Variants in LDAH observed in about 807,000 individuals in gnomAD.
LDAH encodes the protein lipid droplet associated hydrolase.
A neutral mutation model predicts 29.6 loss-of-function variants in LDAH; 26 were observed. The ratio of observed to expected loss-of-function variants is 0.88; its 90% CI spans 0.64 to 1.22. LDAH has a LOEUF of 1.22. Among genes scored for constraint, LDAH ranks in the 50% most tolerant of loss-of-function variants. The probability of loss-of-function intolerance (pLI) is 0.00; values close to 1 mark genes in which losing one functional copy is unlikely to be tolerated. For synonymous variants in LDAH, 117 were observed against 133.0 expected (o/e 0.88, Z 0.83); for missense variants, 344 against 387.3 (o/e 0.89, Z 0.94).
Position 20,701,665 on chromosome 2 carries a change from A to T in LDAH, c.704-13T>A, listed in dbSNP as rs934018124. On this transcript the variant is annotated splice_polypyrimidine_tract_variant and intron_variant, in intron 5 of 6. Coordinates refer to ENST00000237822, the MANE Select transcript of LDAH (RefSeq NM_021925.4). ...TAGGCAGCATTAGCTACATTTAAAA[A>T]ATAAAAAGTCAAACATTTAGAATAT... is the stretch of plus-strand genomic sequence containing the variant. 6 of 1,605,962 alleles carry T rather than the reference A, an allele frequency of 3.7e-6. No individual in the cohort carries two copies. Among genetic ancestry groups the T allele is most frequent in the Non-Finnish European group, 5.1e-6 (6 of 1,173,200 alleles).
intron 1 of LDAH, among the ~76,000 whole-genome samples, chr2:20,801,930 ATGTGTG>A (rs35921690): frequency 1.6e-4 from 22 of 140,220 alleles, no homozygotes; most frequent in African/African-American, 4.2e-4. Flanking sequence ...CCCAAATTCT[ATGTGTG>A]TGTGTGTGTG....
intron 4 of LDAH, among the ~76,000 whole-genome samples, chr2:20,749,629 C>T (rs1667817214): frequency 6.6e-6 from 1 of 152,140 alleles, no homozygotes; most frequent in Admixed American, 6.5e-5. Flanking sequence ...AACTGGAAGG[C>T]AAAGAGTACA....
intron 1 of LDAH, among the ~76,000 whole-genome samples, chr2:20,819,868 T>C (rs1408844466): frequency 6.6e-6 from 1 of 152,150 alleles, no homozygotes; most frequent in Admixed American, 6.5e-5. Flanking sequence ...GAAAACCCCA[T>C]CGTCTCAGCC....
Position 20,685,170 on chromosome 2 carries a change from A to G in LDAH, c.*1733T>C. On this transcript the variant is annotated 3_prime_UTR_variant, in exon 7 of 7. Coordinates refer to ENST00000237822, the MANE Select transcript of LDAH (RefSeq NM_021925.4). Reference sequence around the variant, plus strand: ...AACCAGAAATAAGACACAATTTCATACGTGCAGACTTTTGAAATATGGAGT... The same window carrying G: ...AACCAGAAATAAGACACAATTTCATGCGTGCAGACTTTTGAAATATGGAGT... 2.0e-6 allele frequency: 1 copy of G among 512,110 alleles called. No individual in the cohort carries two copies. Among genetic ancestry groups the G allele is most frequent in the Non-Finnish European group, 3.3e-6 (1 of 299,816 alleles). The allele number at this position is 512,110 out of a possible 1,614,324, so 31.7% of individuals were successfully genotyped here.
chr2:20,822,738 C>A (rs1673420372), intron 1 of LDAH, among the ~76,000 whole-genome samples: 1 of 152,170 alleles, frequency 6.6e-6, no homozygotes, highest in South Asian at 2.1e-4. Context: ...GGCCTCTACT[C>A]CTCCGCGGGG....
chr2:20,774,671 G>A lies in LDAH; in HGVS notation c.468+139C>T. On this transcript the variant is annotated intron_variant, in intron 4 of 6. Transcript: ENST00000237822. ...AAGCCCATCGTAATATGGAGATAAG[G>A]ATAAAGGCAGAAAGCAAATATCCCT... 3.7e-6 allele frequency: 3 copies of A among 812,566 alleles called. No individual in the cohort carries two copies. In the South Asian group the frequency reaches 4.9e-5, roughly 13 times the overall value. 50.3% of individuals were successfully genotyped at this position (812,566 alleles called of 1,614,324 possible).
chr2:20,820,480 T>C (rs1673185704), intron 1 of LDAH, among the ~76,000 whole-genome samples: 1 of 152,230 alleles, frequency 6.6e-6, no homozygotes, highest in Non-Finnish European at 1.5e-5. Context: ...AACTATCTGA[T>C]CTTTGACAAA....
At chr2:20,749,812 G>A (rs746297144) in intron 4 of LDAH, among the ~76,000 whole-genome samples, 3 of 152,076 alleles carry the variant, frequency 2.0e-5, no homozygotes, top group African/African-American at 4.8e-5. Flanking sequence ...TAACAGAACA[G>A]GTTAGGATCT....
intron 5 of LDAH, among the ~76,000 whole-genome samples, chr2:20,717,574 A>G (rs1665312870): frequency 6.6e-6 from 1 of 152,228 alleles, no homozygotes; most frequent in Non-Finnish European, 1.5e-5. Flanking sequence ...AGACAAACTG[A>G]CTACCACAAG....
intron 4 of LDAH, among the ~76,000 whole-genome samples, chr2:20,743,788 G>A (rs767785874): frequency 2.1e-4 from 32 of 151,192 alleles, no homozygotes; most frequent in Non-Finnish European, 4.0e-4. Flanking sequence ...ATTATTGTTT[G>A]AAATATTTCT....
intron 4 of LDAH, among the ~76,000 whole-genome samples, chr2:20,754,384 G>A (rs939681520): frequency 4.0e-5 from 6 of 151,364 alleles, no homozygotes; most frequent in Admixed American, 3.9e-4. Flanking sequence ...CCAGCTACTC[G>A]GGAGGCTGAG....
chr2:20,702,535 A>T (rs1664019682), intron 5 of LDAH, among the ~76,000 whole-genome samples: 1 of 152,166 alleles, frequency 6.6e-6, no homozygotes, highest in Non-Finnish European at 1.5e-5. Flanking sequence ...TGCTTTATAT[A>T]CCCTACGCTT....
intron 5 of LDAH, among the ~76,000 whole-genome samples, chr2:20,722,749 A>C (rs1665749992): frequency 6.6e-6 from 1 of 152,228 alleles, no homozygotes; most frequent in Admixed American, 6.5e-5. Context: ...AACAATCTCA[A>C]AATATTTTTT....
intron 1 of LDAH, among the ~76,000 whole-genome samples, chr2:20,806,398 T>C (rs1250768883): frequency 6.6e-6 from 1 of 152,178 alleles, no homozygotes; most frequent in African/African-American, 2.4e-5. Context: ...TCATTAGTGC[T>C]ATTCCTAGGC....
chr2:20,744,223 ATTTTT>A (rs3047719), intron 4 of LDAH, among the ~76,000 whole-genome samples: 7 of 131,212 alleles, frequency 5.3e-5, no homozygotes, highest in Non-Finnish European at 4.8e-5. Flanking sequence ...TTCTCCTCAG[ATTTTT>A]TTTTTTTTTT....
intron 4 of LDAH, among the ~76,000 whole-genome samples, chr2:20,742,689 T>C (rs1667265465): frequency 6.6e-6 from 1 of 152,228 alleles, no homozygotes; most frequent in East Asian, 1.9e-4. Flanking sequence ...CATGTGTCTT[T>C]ATATTTAAAG....
intron 6 of LDAH, among the ~76,000 whole-genome samples, chr2:20,691,248 T>C (rs1662998838): frequency 1.3e-5 from 2 of 152,214 alleles, no homozygotes; most frequent in Non-Finnish European, 2.9e-5. Flanking sequence ...GATCTCAGCT[T>C]ACTGGAGCCT....
rs373181250 is a variant in LDAH, at chr2:20,713,858, C to T, written c.704-12206G>A. 1.5e-3 allele frequency among the ~76,000 whole-genome samples: 228 copies of T among 152,266 alleles called. 4 individuals carry two copies. In the South Asian group the frequency reaches 0.044, roughly 29 times the overall value. On this transcript the variant is annotated intron_variant, in intron 5 of 6. Transcript: ENST00000237822. ...ATCCTAAATATATATGCAACCAATA[C>T]AGGAGCACCTAGATTCATAAAGGAA...
At chr2:20,701,480 C>G in intron 6 of LDAH, 90 bp downstream of exon 6, 1 of 1,052,774 alleles carries the variant, frequency 9.5e-7, no homozygotes. Context: ...CCCTTAAAGT[C>G]TTACAGATTC....
Sources: gnomAD v4.1 joint callset for allele counts (sites outside exome capture counted in the v4.1 genomes callset) on GRCh38, gnomAD v4.1.1 for gene constraint, MANE v1.5 for transcripts, NCBI Gene and HGNC (gene_info 2026-07-23, HGNC 2026-07-21) for gene names.